The following CNTN1 variants were observed in gnomAD, a reference collection of about 807,000 sequenced individuals.
CNTN1 encodes the protein contactin 1.
CNTN1 carries 38 observed loss-of-function variants against 126.4 expected under a neutral mutation model. The ratio of observed to expected loss-of-function variants is 0.30; its 90% CI spans 0.23 to 0.39. The LOEUF is 0.39. Among genes scored for constraint, CNTN1 ranks in the 10% least tolerant of loss-of-function variants. The probability of loss-of-function intolerance (pLI) is 1.00; values close to 1 mark genes in which losing one functional copy is unlikely to be tolerated. For synonymous variants in CNTN1, 413 were observed against 422.6 expected (o/e 0.98, Z 0.28); for missense variants, 1,009 against 1,248.4 (o/e 0.81, Z 2.89).
At chr12:40,758,214 A>G (rs1938688347) in intron 1 of CNTN1, among the ~76,000 whole-genome samples, 1 of 151,264 alleles carries the variant, frequency 6.6e-6, no homozygotes, top group Admixed American at 6.6e-5. Context: ...AATAATTTAC[A>G]TTTTTAAGCC....
chr12:41,067,064 A>G (rs1398491527), intron 23 of CNTN1, among the ~76,000 whole-genome samples: 4 of 152,212 alleles, frequency 2.6e-5, no homozygotes, highest in Admixed American at 2.6e-4. Context: ...TTCAAAACCA[A>G]TATATATTGA....
chr12:40,987,872 A>T (rs1947999029), intron 16 of CNTN1, among the ~76,000 whole-genome samples: 1 of 151,296 alleles, frequency 6.6e-6, no homozygotes, highest in Non-Finnish European at 1.5e-5. Flanking sequence ...CCATATCTTT[A>T]CCTAGTATTA....
intron 1 of CNTN1, among the ~76,000 whole-genome samples, chr12:40,833,897 G>A (rs1379745418): frequency 6.6e-6 from 1 of 152,256 alleles, no homozygotes; most frequent in African/African-American, 2.4e-5. Flanking sequence ...CTTGAATATA[G>A]AAATTTTGAA....
At chr12:40,879,722 T>A (rs1412279636) in intron 1 of CNTN1, among the ~76,000 whole-genome samples, 1 of 152,120 alleles carries the variant, frequency 6.6e-6, no homozygotes, top group African/African-American at 2.4e-5. Context: ...AGGAGGAAAT[T>A]ATGGTCCTCT....
intron 1 of CNTN1, among the ~76,000 whole-genome samples, chr12:40,801,163 G>A (rs768315656): frequency 1.3e-5 from 2 of 151,860 alleles, no homozygotes; most frequent in Admixed American, 6.6e-5. Flanking sequence ...TTATTCAGCA[G>A]CAAGCATCTC....
rs565155427 is a variant in CNTN1 at position 40,819,233 on chromosome 12, G to A, written c.-76-89124G>A. Among the ~76,000 whole-genome samples the A allele has an allele frequency of 2.4e-4, 36 of 152,238 alleles. 1 individual carries two copies. The South Asian group carries it at 6.4e-3, about 27-fold the overall frequency. On this transcript the variant is annotated intron_variant, in intron 1 of 23. Coordinates refer to ENST00000551295, the MANE Select transcript of CNTN1 (RefSeq NM_001843.4). ...TGGTGGAAAGGGTGTGTTTTGCTGG[G>A]GGGAAGCCCACTTCTCTGGGCTGCC... is the stretch of plus-strand genomic sequence containing the variant.
At chr12:40,757,454 TATAAGAAGAA>T (rs1407033015) in intron 1 of CNTN1, among the ~76,000 whole-genome samples, 1 of 152,166 alleles carries the variant, frequency 6.6e-6, no homozygotes, top group Non-Finnish European at 1.5e-5. Context: ...TGAATTAAAA[TATAAGAAGAA>T]ATAAAGTATA....
chr12:41,013,437 G>T (rs1948712443), intron 17 of CNTN1, among the ~76,000 whole-genome samples: 1 of 152,016 alleles, frequency 6.6e-6, no homozygotes, highest in South Asian at 2.1e-4. Flanking sequence ...CCTTACCAAG[G>T]ACTCCCATAC....
chr12:41,037,567 C>T (rs1592440849), intron 23 of CNTN1, among the ~76,000 whole-genome samples: 1 of 151,958 alleles, frequency 6.6e-6, no homozygotes, highest in Non-Finnish European at 1.5e-5. Flanking sequence ...TCTGTGAAGA[C>T]ATTCCTGTCA....
At chr12:40,903,461 G>T (rs555994977) in intron 1 of CNTN1, among the ~76,000 whole-genome samples, 1 of 148,208 alleles carries the variant, frequency 6.7e-6, no homozygotes, top group South Asian at 2.2e-4. Context: ...CAGGGGGCTA[G>T]CTGTGAATTA....
chr12:40,878,799 T>C (rs1237617202), intron 1 of CNTN1, among the ~76,000 whole-genome samples: 1 of 152,230 alleles, frequency 6.6e-6, no homozygotes, highest in Non-Finnish European at 1.5e-5. Context: ...CAGATCTCAA[T>C]ATTTTGTTTT....
intron 5 of CNTN1, among the ~76,000 whole-genome samples, chr12:40,923,259 G>A (rs1159568931): frequency 6.6e-6 from 1 of 152,026 alleles, no homozygotes; most frequent in Non-Finnish European, 1.5e-5. Flanking sequence ...GAAAAACTGT[G>A]CTAAGCTAAA....
intron 19 of CNTN1, among the ~76,000 whole-genome samples, chr12:41,018,002 A>T (rs1211063250): frequency 6.6e-6 from 1 of 151,982 alleles, no homozygotes; most frequent in Admixed American, 6.6e-5. Context: ...GAGGCAGGAG[A>T]ATCGCCTGGA....
intron 1 of CNTN1, among the ~76,000 whole-genome samples, chr12:40,857,038 A>AGTT (rs1203308414): frequency 6.6e-6 from 1 of 152,122 alleles, no homozygotes. Flanking sequence ...TATTAATAAG[A>AGTT]GTTTAGATGT....
chr12:40,853,425 T>G (rs1459270282), intron 1 of CNTN1, among the ~76,000 whole-genome samples: 1 of 152,152 alleles, frequency 6.6e-6, no homozygotes, highest in African/African-American at 2.4e-5. Flanking sequence ...CTTGCCCACA[T>G]GAGAAAAGTT....
chr12:40,779,126 T>C (rs1939698262), intron 1 of CNTN1, among the ~76,000 whole-genome samples: 2 of 151,776 alleles, frequency 1.3e-5, no homozygotes, highest in African/African-American at 4.8e-5. Flanking sequence ...ATAATCTTTA[T>C]TTTTTTAAGG....
rs772414985 is a variant in CNTN1 at position 41,066,186 on chromosome 12, T to C, written c.2981-3773T>C. 2.0e-5 allele frequency among the ~76,000 whole-genome samples: 3 copies of C among 152,216 alleles called. 1 individual carries two copies. The highest frequency in any genetic ancestry group is 4.8e-5 in the African/African-American group (2 of 41,464). On this transcript the variant is annotated intron_variant, in intron 23 of 23. Coordinates refer to ENST00000551295, the MANE Select transcript of CNTN1 (RefSeq NM_001843.4). ...GTAGTAAAATCATTGCCTTCTGATA[T>C]TATATTATGAATTTTTAATATTATC...
chr12:40,911,106 A>C (rs1945009082), intron 3 of CNTN1, among the ~76,000 whole-genome samples: 1 of 152,060 alleles, frequency 6.6e-6, no homozygotes, highest in South Asian at 2.1e-4. Flanking sequence ...TTTGAGATGG[A>C]GTCTCGCTCT....
At chr12:41,058,821 A>T (rs1949881968) in intron 23 of CNTN1, among the ~76,000 whole-genome samples, 1 of 152,154 alleles carries the variant, frequency 6.6e-6, no homozygotes, top group Non-Finnish European at 1.5e-5. Context: ...TTTTTAGACT[A>T]GTCAATGTCC....
Sources: gnomAD v4.1 joint callset for allele counts (sites outside exome capture counted in the v4.1 genomes callset) on GRCh38, gnomAD v4.1.1 for gene constraint, MANE v1.5 for transcripts, NCBI Gene and HGNC (gene_info 2026-07-23, HGNC 2026-07-21) for gene names.